The following MAP1A variants were observed in gnomAD, a reference collection of about 807,000 sequenced individuals.
MAP1A encodes microtubule-associated protein 1A.
In MAP1A, 42 loss-of-function variants were observed where a neutral mutation model predicts 185.9. The observed-to-expected ratio is 0.23, with a 90% CI of 0.18 to 0.29. The LOEUF (loss-of-function observed/expected upper bound fraction) is 0.29, where lower values mean the gene tolerates loss of function less well. Ranked by LOEUF, MAP1A falls within the 10% of genes least tolerant of loss-of-function variation. The probability of loss-of-function intolerance (pLI) is 1.00; values close to 1 mark genes in which losing one functional copy is unlikely to be tolerated. For synonymous variants in MAP1A, 1,229 were observed against 1,335.9 expected (o/e 0.92, Z 1.74); for missense variants, 2,995 against 3,450.4 (o/e 0.87, Z 3.31).
In MAP1A at chr15:43,523,754, G is replaced by A; in HGVS notation, c.2281G>A (p.Glu761Lys). ...TGAGGAGATCCATGATGAGCCGGAGGAGCGCCCAGCTCCACCCAGATTTCA... is the reference window on the plus strand; with the variant it reads ...TGAGGAGATCCATGATGAGCCGGAGAAGCGCCCAGCTCCACCCAGATTTCA... ...SDEEIHDEPE[E>K]RPAPPRFHTS... The change falls in exon 4 of 6, where the codon GAG becomes AAG. Residue 761 changes from glutamate to lysine, a missense_variant. Coordinates refer to ENST00000300231, the MANE Select transcript of MAP1A (RefSeq NM_002373.6). 2 of 1,614,060 alleles carry A rather than the reference G, an allele frequency of 1.2e-6. No individual in the cohort carries two copies. The highest frequency in any genetic ancestry group is 1.7e-6 in the Non-Finnish European group (2 of 1,180,004).
chr15:43,524,095 C>T lies in MAP1A; in HGVS notation c.2622C>T (p.Ser874=). 6.2e-7 allele frequency: 1 copy of T among 1,614,148 alleles called. No homozygotes were observed. Among genetic ancestry groups the T allele is most frequent in the Non-Finnish European group, 8.5e-7 (1 of 1,180,028 alleles). ...CCCTGCTGCTTGACACAGTCACAAG[C>T]ATCCCTTCCTCCCGTACTGAAGCTA... The part of the protein sequence containing the change: ...KSSLLLDTVT[S]IPSSRTEATQ... The change falls in exon 4 of 6, where the codon AGC becomes AGT. Residue 874 remains serine (S), a synonymous_variant. Coordinates refer to ENST00000300231, the MANE Select transcript of MAP1A (RefSeq NM_002373.6).
Position 43,525,155 on chromosome 15 carries a change from G to A in MAP1A, c.3682G>A (p.Gly1228Arg). Reference sequence around the variant, plus strand: ...AGAAAGCCTTGGCACCCTCCAGTTTGGGGAACTAAACCTTGGGAAGGAAGA... The same window carrying A: ...AGAAAGCCTTGGCACCCTCCAGTTTAGGGAACTAAACCTTGGGAAGGAAGA... ...SPESLGTLQF[G>R]ELNLGKEEMG... Residue 1228 changes from glycine to arginine, a missense_variant, in exon 4 of 6, where the codon GGG (glycine) becomes AGG (arginine). This residue lies in a region of MAP1A where 2,728 missense variants were observed against 2,986.0 expected (regional missense o/e 0.91). Transcript: ENST00000300231. The A allele has an allele frequency of 6.2e-7, 1 of 1,614,158 alleles. No individual in the cohort carries two copies. Among genetic ancestry groups the A allele is most frequent in the Non-Finnish European group, 8.5e-7 (1 of 1,180,036 alleles).
upstream of MAP1A, among the ~76,000 whole-genome samples, chr15:43,516,530 G>T (rs2079298013): frequency 6.6e-6 from 1 of 152,144 alleles, no homozygotes; most frequent in African/African-American, 2.4e-5. Flanking sequence ...GGCAGGGAAG[G>T]ACTATGTAAG....
chr15:43,511,197 T>G, exon 1 of MAP1A: 1 of 1,550,558 alleles, frequency 6.4e-7, no homozygotes, highest in East Asian at 2.4e-5. Flanking sequence ...GAGAGTCAGC[T>G]GAGGGCCGTG....
rs748107824 is a variant in MAP1A, at chr15:43,529,444, A to G, written c.7971A>G (p.Ala2657=). The G allele has an allele frequency of 1.2e-6, 2 of 1,613,766 alleles. No homozygotes were observed. The highest frequency in any genetic ancestry group is 3.3e-5 in the Admixed American group (2 of 60,018). Residue 2657 remains alanine (A), a synonymous_variant, in exon 4 of 6, where the codon GCA becomes GCG. Transcript: ENST00000300231. This position sits in a 1 kb window ranked among gnomAD's most constrained non-coding sequence, Gnocchi z 4.3. ...GCACCACAAGCCAGGTCACCCCAGC[A>G]GAGGAAAAGGATGGACACAGCCCCA... ...PRSTTSQVTP[A]EEKDGHSPMS...
In MAP1A at chr15:43,527,708, G is replaced by A; in HGVS notation, c.6235G>A (p.Gly2079Ser). The change falls in exon 4 of 6, where the codon GGT (glycine) becomes AGT (serine). Residue 2079 changes from glycine to serine, a missense_variant. Around this residue, in one of 3 missense-constraint regions of MAP1A, gnomAD observed 2,728 missense variants for 2,986.0 expected, o/e 0.91. Transcript: ENST00000300231. The part of the protein sequence containing the change: ...LSKGPSPPLN[G>S]NILSCSPDRR... ...CAAAGGCCCAAGCCCCCCTCTTAAT[G>A]GTAACATCCTGAGCTGCAGCCCAGA... 6.2e-7 allele frequency: 1 copy of A among 1,611,266 alleles called. No homozygotes were observed. The highest frequency in any genetic ancestry group is 8.5e-7 in the Non-Finnish European group (1 of 1,179,338).
At chr15:43,516,593 C>T (rs2079298232), upstream of MAP1A, among the ~76,000 whole-genome samples, 1 of 152,116 alleles carries the variant, frequency 6.6e-6, no homozygotes, top group Non-Finnish European at 1.5e-5. Context: ...CAGATTCTTC[C>T]TTTGAGTCCT....
intron 1 of MAP1A, chr15:43,512,140 C>G (rs760310342): frequency 2.8e-6 from 3 of 1,072,650 alleles, no homozygotes; most frequent in Non-Finnish European, 4.2e-6. Context: ...AGTCTCACCA[C>G]CCTACAACCT....
chr15:43,517,319 T>C (rs1399297545), upstream of MAP1A, among the ~76,000 whole-genome samples: 1 of 152,108 alleles, frequency 6.6e-6, no homozygotes, highest in Non-Finnish European at 1.5e-5. Context: ...CCTCGCTCTG[T>C]GCCCTAGCAT....
At position 43,523,182 on chromosome 15, in the gene MAP1A, G is replaced by A. The variant is rs1379748867; in HGVS notation, c.1709G>A (p.Ser570Asn). Residue 570 changes from serine to asparagine, a missense_variant, in exon 4 of 6, where the codon AGT (serine) becomes AAT (asparagine). By Grantham distance (46) the Ser-to-Asn change is conservative. This residue lies in a region of MAP1A where 2,728 missense variants were observed against 2,986.0 expected (regional missense o/e 0.91). Transcript: ENST00000300231. ...PLDTAEEGPP[S>N]TAIQGTPPSV... ...GACACTGCAGAGGAGGGACCCCCAA[G>A]TACAGCTATCCAGGGAACACCACCC... is the stretch of plus-strand genomic sequence containing the variant. The A allele has an allele frequency of 6.8e-6, 11 of 1,613,988 alleles. No homozygotes were observed. The Admixed American group carries it at 1.0e-4, about 15-fold the overall frequency.
rs774134625 is a variant in MAP1A at position 43,529,456 on chromosome 15, T to C, written c.7983T>C (p.Asp2661=). The change falls in exon 4 of 6, where the codon GAT becomes GAC. Residue 2661 remains aspartate (D), a synonymous_variant. Coordinates refer to ENST00000300231, the MANE Select transcript of MAP1A (RefSeq NM_002373.6). This position sits in a 1 kb window ranked among gnomAD's most constrained non-coding sequence, Gnocchi z 4.3. ...TSQVTPAEEK[D]GHSPMSKGLV... ...AGGTCACCCCAGCAGAGGAAAAGGA[T>C]GGACACAGCCCCATGTCCAAAGGCC... The C allele has an allele frequency of 6.2e-7, 1 of 1,613,220 alleles. No homozygotes were observed. Among genetic ancestry groups the C allele is most frequent in the African/African-American group, 1.3e-5 (1 of 74,870 alleles).
At chr15:43,514,247 T>G (rs2079291002), upstream of MAP1A, among the ~76,000 whole-genome samples, 1 of 152,194 alleles carries the variant, frequency 6.6e-6, no homozygotes, top group Non-Finnish European at 1.5e-5. Context: ...TTGGACATTT[T>G]TATCATGGTC....
rs1473183012 is a variant in MAP1A at position 43,529,725 on chromosome 15, G to A, written c.8111G>A (p.Gly2704Asp). Residue 2704 changes from glycine to aspartate, a missense_variant, in exon 5 of 6, where the codon GGC (glycine) becomes GAC (aspartate). This residue lies in a region of MAP1A where 2,728 missense variants were observed against 2,986.0 expected (regional missense o/e 0.91). Transcript: ENST00000300231. This position sits in a 1 kb window ranked among gnomAD's most constrained non-coding sequence, Gnocchi z 4.3. ...DLAYIPNHCS[G>D]KTADLDFFRR... ...GCCTACATCCCGAATCATTGCAGTG[G>A]CAAGACTGCTGACCTTGACTTCTTC... 1.2e-6 allele frequency: 2 copies of A among 1,614,114 alleles called. No individual in the cohort carries two copies. The highest frequency in any genetic ancestry group is 1.7e-6 in the Non-Finnish European group (2 of 1,180,010).
upstream of MAP1A, among the ~76,000 whole-genome samples, chr15:43,517,160 C>G (rs982681847): frequency 3.3e-5 from 5 of 152,256 alleles, no homozygotes; most frequent in South Asian, 1.0e-3. Context: ...AAGCAGTTCC[C>G]CACACCTACC....
chr15:43,510,973 C>G lies in MAP1A; in HGVS notation c.-16C>G, dbSNP rs544681948. On this transcript the variant is annotated 5_prime_UTR_variant, in exon 1 of 7. Coordinates refer to the MAP1A transcript ENST00000382031. ...TGCAGCGGAAGCTGCCGGACTAACACTCCGCGGGTGTTTCCATGGAGACCG... is the reference window on the plus strand; with the variant it reads ...TGCAGCGGAAGCTGCCGGACTAACAGTCCGCGGGTGTTTCCATGGAGACCG... 2.6e-6 allele frequency: 4 copies of G among 1,521,994 alleles called. No homozygotes were observed. The East Asian group carries it at 9.8e-5, about 37-fold the overall frequency. The allele number at this position is 1,521,994 out of a possible 1,614,324, so 94.3% of individuals were successfully genotyped here.
At chr15:43,515,334 C>T (rs2079293774), upstream of MAP1A, among the ~76,000 whole-genome samples, 1 of 152,186 alleles carries the variant, frequency 6.6e-6, no homozygotes, top group South Asian at 2.1e-4. Flanking sequence ...AACAGTTACC[C>T]TGAATTAATA....
chr15:43,522,593 C>T lies in MAP1A; in HGVS notation c.1120C>T (p.Pro374Ser), dbSNP rs776194955. The stretch of plus-strand genomic sequence containing the variant: ...GTCATCTGAGAAGCCCCCAGAGAAG[C>T]CTGCCAAGCCTGAGAGGGTGAAGAC... ...KESSEKPPEK[P>S]AKPERVKTES... Residue 374 changes from proline (P) to serine (S), a missense_variant, in exon 4 of 6, where the codon CCT (proline) becomes TCT (serine). Transcript: ENST00000300231. This position sits in a 1 kb window ranked among gnomAD's most constrained non-coding sequence, Gnocchi z 5.9. The T allele has an allele frequency of 8.1e-6, 13 of 1,612,060 alleles. No individual in the cohort carries two copies. The South Asian group carries it at 1.2e-4, about 15-fold the overall frequency.
Position 43,527,008 on chromosome 15 carries a change from G to C in MAP1A, c.5535G>C (p.Trp1845Cys). Reference protein sequence around the residue: ...TPSWLADIPPWVPKDRPLPPA... With the variant: ...TPSWLADIPPCVPKDRPLPPA... ...CATGGCTGGCTGACATCCCACCCTG[G>C]GTGCCCAAGGACAGACCCCTCCCCC... Residue 1845 changes from tryptophan to cysteine, a missense_variant, in exon 4 of 6, where the codon TGG becomes TGC. Coordinates refer to ENST00000300231, the MANE Select transcript of MAP1A (RefSeq NM_002373.6). The C allele has an allele frequency of 6.2e-7, 1 of 1,611,376 alleles. No individual in the cohort carries two copies. The highest frequency in any genetic ancestry group is 8.5e-7 in the Non-Finnish European group (1 of 1,178,650).
upstream of MAP1A, among the ~76,000 whole-genome samples, chr15:43,514,157 TTGTC>T (rs1366439720): frequency 1.3e-5 from 2 of 152,226 alleles, no homozygotes; most frequent in Admixed American, 1.3e-4. Flanking sequence ...ATCAAAGAGT[TTGTC>T]TGTGGTGTCC....
Sources: allele counts gnomAD v4.1 joint callset (sites outside exome capture counted in the v4.1 genomes callset), GRCh38; gene constraint gnomAD v4.1.1; regional missense constraint gnomAD v4.1.1; non-coding constraint Gnocchi (gnomAD v3.1); transcripts MANE v1.5; gene names NCBI Gene and HGNC (gene_info 2026-07-23, HGNC 2026-07-21).